The following CSMD1 variants were observed in gnomAD, a reference collection of about 807,000 sequenced individuals.
The protein encoded by CSMD1 is CUB and Sushi multiple domains 1.
CSMD1 carries 213 observed loss-of-function variants against 417.5 expected under a neutral mutation model. That is an observed-to-expected ratio of 0.51 (90% CI 0.46 to 0.57). CSMD1 has a LOEUF of 0.57. CSMD1 is among the 20% of genes least tolerant of loss of function. The pLI, the probability that CSMD1 is intolerant of heterozygous loss-of-function variation, is 0.00. For synonymous variants in CSMD1, 2,862 were observed against 1,736.8 expected, an observed-to-expected ratio of 1.65 and a Z score of -16.11; for missense variants, 6,923 against 4,529.7, an observed-to-expected ratio of 1.53 and a Z score of -15.17.
At chr8:3,781,697 G>C (rs376140294) in intron 5 of CSMD1, among the ~76,000 whole-genome samples, 1 of 152,204 alleles carries the variant, frequency 6.6e-6, no homozygotes, top group Admixed American at 6.5e-5. Context: ...TCCAGCCTAC[G>C]GAGGTTCTAG....
At chr8:3,714,722 G>C (rs1801730492) in intron 6 of CSMD1, among the ~76,000 whole-genome samples, 2 of 152,046 alleles carry the variant, frequency 1.3e-5, no homozygotes, top group Non-Finnish European at 2.9e-5. Context: ...GGGCCACACA[G>C]TGAGACCCTT....
At chr8:3,226,493 G>C (rs1798511305) in intron 27 of CSMD1, among the ~76,000 whole-genome samples, 1 of 148,514 alleles carries the variant, frequency 6.7e-6, no homozygotes, top group Admixed American at 6.9e-5. Context: ...TGAGGCAGGA[G>C]AATCGCTTGA....
intron 23 of CSMD1, among the ~76,000 whole-genome samples, chr8:3,329,764 G>T (rs1806774759): frequency 6.6e-6 from 1 of 152,188 alleles, no homozygotes; most frequent in Admixed American, 6.5e-5. Flanking sequence ...ATCAGTCTGT[G>T]CAGGGTGATG....
chr8:4,081,652 T>C (rs1237991625), intron 3 of CSMD1, among the ~76,000 whole-genome samples: 1 of 152,168 alleles, frequency 6.6e-6, no homozygotes, highest in East Asian at 1.9e-4. Context: ...AAATAGATAC[T>C]ATGCTACACA....
At chr8:4,912,661 CA>C (rs1233384520) in intron 1 of CSMD1, among the ~76,000 whole-genome samples, 1 of 152,140 alleles carries the variant, frequency 6.6e-6, no homozygotes, top group Non-Finnish European at 1.5e-5. Context: ...GGTCAGGAAC[CA>C]AAGAGTTTAG....
chr8:4,392,978 A>C (rs1803951878), intron 3 of CSMD1, among the ~76,000 whole-genome samples: 1 of 151,996 alleles, frequency 6.6e-6, no homozygotes, highest in Non-Finnish European at 1.5e-5. Context: ...CAAAAATAAA[A>C]AACAAACAAA....
At chr8:3,507,985 T>C (rs1796901570) in intron 10 of CSMD1, among the ~76,000 whole-genome samples, 1 of 152,228 alleles carries the variant, frequency 6.6e-6, no homozygotes, top group African/African-American at 2.4e-5. Context: ...TTGGTTTCTT[T>C]TGCTGTGCAG....
chr8:3,313,422 A>G (rs985869810), intron 23 of CSMD1, among the ~76,000 whole-genome samples: 3 of 152,228 alleles, frequency 2.0e-5, no homozygotes, highest in Non-Finnish European at 4.4e-5. Context: ...TTTACAAGAA[A>G]AAAACAACCC....
chr8:3,742,212 C>A (rs1022387474), intron 6 of CSMD1, among the ~76,000 whole-genome samples: 1 of 152,100 alleles, frequency 6.6e-6, no homozygotes, highest in African/African-American at 2.4e-5. Flanking sequence ...TCATTCCAAT[C>A]TGGATGTTCT....
At chr8:3,008,830 CT>C (rs1808161560) in intron 52 of CSMD1, among the ~76,000 whole-genome samples, 1 of 152,302 alleles carries the variant, frequency 6.6e-6, no homozygotes, top group South Asian at 2.1e-4. Context: ...TTCTGAGTGA[CT>C]GACGCAAGGT....
intron 5 of CSMD1, among the ~76,000 whole-genome samples, chr8:3,864,522 G>T (rs534558380): frequency 2.0e-5 from 3 of 152,284 alleles, no homozygotes; most frequent in Admixed American, 1.3e-4. Flanking sequence ...CAACGTGCAG[G>T]TTTGTTACAT....
intron 2 of CSMD1, among the ~76,000 whole-genome samples, chr8:4,435,444 A>T (rs778608112): frequency 6.6e-6 from 1 of 152,188 alleles, no homozygotes; most frequent in East Asian, 1.9e-4. Flanking sequence ...TAGTTTTGTT[A>T]AACTTATCAC....
intron 1 of CSMD1, among the ~76,000 whole-genome samples, chr8:4,884,101 C>T (rs1026052164): frequency 1.3e-5 from 2 of 152,104 alleles, no homozygotes; most frequent in South Asian, 4.2e-4. Context: ...GAACAAATTT[C>T]CAGAAGGTGA....
At chr8:3,901,515 C>T (rs17067879) in intron 5 of CSMD1, among the ~76,000 whole-genome samples, 13 of 152,160 alleles carry the variant, frequency 8.5e-5, no homozygotes, top group Non-Finnish European at 1.5e-4. Context: ...AAGGGAGCCA[C>T]GCTTTGGAAC....
rs1261486277 is a variant in CSMD1 at position 3,409,507 on chromosome 8, G to T, written c.1660C>A (p.Pro554Thr). The T allele has an allele frequency of 1.2e-6, 2 of 1,610,982 alleles. No individual in the cohort carries two copies. Among genetic ancestry groups the T allele is most frequent in the Non-Finnish European group, 1.7e-6 (2 of 1,178,796 alleles). Reference sequence around the variant, plus strand: ...TCCCCCACCAGCTCAAAGGCCGCCGGGCATTCAAAGGTGAGTGTATCTCCA... The same window carrying T: ...TCCCCCACCAGCTCAAAGGCCGCCGTGCATTCAAAGGTGAGTGTATCTCCA... ...LHGDTLTFEC[P>T]AAFELVGERV... The change falls in exon 13 of 70, where the codon CCG (proline) becomes ACG (threonine). Residue 554 changes from proline to threonine, a missense_variant. By Grantham distance (38) the Pro-to-Thr change is conservative. Transcript: ENST00000635120.
At chr8:4,485,659 G>A (rs775539345) in intron 2 of CSMD1, among the ~76,000 whole-genome samples, 2 of 152,012 alleles carry the variant, frequency 1.3e-5, no homozygotes, top group Non-Finnish European at 2.9e-5. Context: ...CAGAGCCCAG[G>A]TAAATGAGGC....
chr8:3,603,378 G>A (rs17066570), intron 8 of CSMD1, among the ~76,000 whole-genome samples: 6,233 of 152,080 alleles, frequency 0.041, 407 homozygotes, highest in African/African-American at 0.14. Context: ...ACTTAGGCGC[G>A]GCAGGCTCAA....
At chr8:3,813,119 G>A (rs1451691705) in intron 5 of CSMD1, among the ~76,000 whole-genome samples, 1 of 139,952 alleles carries the variant, frequency 7.1e-6, no homozygotes, top group Admixed American at 7.3e-5. Flanking sequence ...TTAACTAGAT[G>A]AAGACTTTCA....
At chr8:4,236,684 A>G (rs552610162) in intron 3 of CSMD1, among the ~76,000 whole-genome samples, 1 of 152,356 alleles carries the variant, frequency 6.6e-6, no homozygotes, top group East Asian at 1.9e-4. Context: ...AAACTCTTCA[A>G]GCTTTGGTCC....
Sources: allele counts gnomAD v4.1 joint callset (sites outside exome capture counted in the v4.1 genomes callset), GRCh38; gene constraint gnomAD v4.1.1; transcripts MANE v1.5; gene names NCBI Gene and HGNC (gene_info 2026-07-23, HGNC 2026-07-21).